RELL1: variants seen among roughly 807,000 people sequenced by gnomAD.
RELL1 encodes RELT like 1.
RELL1 carries 10 observed loss-of-function variants against 23.0 expected under a neutral mutation model. The ratio of observed to expected loss-of-function variants is 0.43; its 90% CI spans 0.27 to 0.74. RELL1 has a LOEUF of 0.74. RELL1 is among the 30% of genes least tolerant of loss of function. The probability of loss-of-function intolerance (pLI) is 0.19; values close to 1 mark genes in which losing one functional copy is unlikely to be tolerated. For synonymous variants in RELL1, 146 were observed against 146.8 expected, an observed-to-expected ratio of 0.99 and a Z score of 0.04; for missense variants, 315 against 364.4, an observed-to-expected ratio of 0.86 and a Z score of 1.10.
intron 1 of RELL1, among the ~76,000 whole-genome samples, chr4:37,668,846 T>A: frequency 6.8e-6 from 1 of 146,998 alleles, no homozygotes. Flanking sequence ...GTCTGAGATG[T>A]GGGGAGCGCC....
rs910725725 is a variant in RELL1, at chr4:37,612,019, CA to C, written c.*1326del. ...TGAAACCCCGTCTCTCCTAAAAATA[CA>C]AAAAAAATAAGCCAAGCGTGGTGGT... On this transcript the variant is annotated 3_prime_UTR_variant, in exon 7 of 7. Transcript: ENST00000454158. 6.6e-6 allele frequency among the ~76,000 whole-genome samples: 1 copy of C among 150,662 alleles called. No homozygotes were observed. The highest frequency in any genetic ancestry group is 2.4e-5 in the African/African-American group (1 of 41,028).
chr4:37,657,029 CA>C (rs1212663622), intron 1 of RELL1, among the ~76,000 whole-genome samples: 6 of 152,182 alleles, frequency 3.9e-5, no homozygotes, highest in Non-Finnish European at 8.8e-5. Flanking sequence ...AATCAGGCCA[CA>C]CAGAAATTCC....
At chr4:37,630,962 C>T (rs1720109357) in intron 6 of RELL1, among the ~76,000 whole-genome samples, 1 of 152,026 alleles carries the variant, frequency 6.6e-6, no homozygotes, top group Non-Finnish European at 1.5e-5. Flanking sequence ...AAGTAAGCTG[C>T]CAATATCGAA....
At chr4:37,617,708 G>A (rs145285481) in intron 6 of RELL1, among the ~76,000 whole-genome samples, 14 of 152,296 alleles carry the variant, frequency 9.2e-5, no homozygotes, top group Non-Finnish European at 1.9e-4. Flanking sequence ...GCTTGAACCT[G>A]GGAAGCAGAG....
At chr4:37,606,180 GAAGA>G (rs199587251), downstream of RELL1, among the ~76,000 whole-genome samples, 62 of 111,644 alleles carry the variant, frequency 5.6e-4, no homozygotes, top group Middle Eastern at 4.6e-3. The surrounding 1 kb of genome is among the most constrained non-coding windows in gnomAD (Gnocchi z 4.1). Context: ...AAAGGAGAAA[GAAGA>G]AAGAAAGAGA....
At position 37,603,309 on chromosome 4, in the gene RELL1, C is replaced by G. The variant is rs1375283211; in HGVS notation, c.*4-12092G>C. On this transcript the variant is annotated intron_variant, in intron 6 of 6. Transcript: ENST00000314117. Reference sequence around the variant, plus strand: ...AATGCCCAAGACAAAGAAGTCCCAGCTGTCCTTTAGGTGTTTAGAGCTACA... The same window carrying G: ...AATGCCCAAGACAAAGAAGTCCCAGGTGTCCTTTAGGTGTTTAGAGCTACA... Among the ~76,000 whole-genome samples the G allele has an allele frequency of 4.6e-5, 7 of 152,168 alleles. No individual in the cohort carries two copies. The East Asian group carries it at 1.2e-3, about 25-fold the overall frequency.
At chr4:37,640,123 C>T (rs1720475482) in intron 3 of RELL1, among the ~76,000 whole-genome samples, 1 of 152,188 alleles carries the variant, frequency 6.6e-6, no homozygotes. Flanking sequence ...CACATTGCCC[C>T]ATTGCAACCC....
chr4:37,588,721 T>C (rs370370489), downstream of RELL1: 352 of 668,508 alleles, frequency 5.3e-4, 1 homozygote, highest in African/African-American at 5.5e-3. Context: ...GTGGTAGTTA[T>C]CCTTTTGCCA....
In RELL1 at chr4:37,644,420, T is replaced by C. The variant is rs55853210; in HGVS notation, c.385+2948A>G. On this transcript the variant is annotated intron_variant, in intron 3 of 6. Coordinates refer to ENST00000454158, the MANE Select transcript of RELL1 (RefSeq NM_001085400.2). ...GGGTGGTAACAGGGCCTACGTCATC[T>C]GGTACTTTTATTTTTATTTTTATTT... Among the ~76,000 whole-genome samples the C allele has an allele frequency of 5.3e-3, 795 of 149,458 alleles. 7 individuals carry two copies. Among genetic ancestry groups the C allele is most frequent in the African/African-American group, 0.018 (751 of 40,722 alleles).
downstream of RELL1, chr4:37,589,963 C>T: frequency 1.3e-6 from 1 of 780,844 alleles, no homozygotes. Flanking sequence ...TTTAGACATA[C>T]TTATCTAGGT....
At chr4:37,642,675 G>T (rs1389567135) in intron 3 of RELL1, among the ~76,000 whole-genome samples, 1 of 152,160 alleles carries the variant, frequency 6.6e-6, no homozygotes, top group Non-Finnish European at 1.5e-5. Context: ...GACTTGGGGT[G>T]GAGCCCCTAA....
intron 1 of RELL1, among the ~76,000 whole-genome samples, chr4:37,683,446 T>C (rs576453683): frequency 2.2e-4 from 34 of 152,346 alleles, no homozygotes; most frequent in African/African-American, 7.9e-4. Context: ...CACAGGGTTA[T>C]GAGCAATGAG....
intron 6 of RELL1, among the ~76,000 whole-genome samples, chr4:37,592,041 T>C (rs572966792): frequency 1.3e-5 from 2 of 151,992 alleles, no homozygotes; most frequent in South Asian, 4.2e-4. Context: ...ACCCTGTCTC[T>C]ACTAAAAATA....
chr4:37,681,831 T>G (rs1202645505), intron 1 of RELL1, among the ~76,000 whole-genome samples: 7 of 152,190 alleles, frequency 4.6e-5, no homozygotes, highest in African/African-American at 1.7e-4. Flanking sequence ...CCGGCTTCCT[T>G]CTGATTTTTG....
chr4:37,670,387 CATTTTAGATGTTTCCATTGGTTGG>C (rs1463764191), intron 1 of RELL1, among the ~76,000 whole-genome samples: 3 of 152,154 alleles, frequency 2.0e-5, no homozygotes, highest in Admixed American at 2.0e-4. Context: ...ATCATATTGA[CATTTTAGATGTTTCCATTGGTTGG>C]AGGCAGAGAC....
chr4:37,636,663 G>C (rs1454505508), intron 4 of RELL1, among the ~76,000 whole-genome samples: 1 of 151,958 alleles, frequency 6.6e-6, no homozygotes. Flanking sequence ...ATGTGTGAAG[G>C]CTCTGGCCCA....
At chr4:37,608,910 C>T (rs1248358906), downstream of RELL1, among the ~76,000 whole-genome samples, 2 of 152,156 alleles carry the variant, frequency 1.3e-5, no homozygotes, top group Non-Finnish European at 2.9e-5. Flanking sequence ...GGATTACAGG[C>T]ATGAGCCACT....
At chr4:37,590,540 A>G (rs753035577), downstream of RELL1, 1 of 1,614,004 alleles carries the variant, frequency 6.2e-7, no homozygotes, top group Admixed American at 1.7e-5. Context: ...AGAAATGGAG[A>G]CTCCAGAGCT....
At chr4:37,660,547 A>T (rs570040924) in intron 1 of RELL1, among the ~76,000 whole-genome samples, 1 of 152,132 alleles carries the variant, frequency 6.6e-6, no homozygotes, top group Admixed American at 6.5e-5. Context: ...ATTTACACAC[A>T]CTCTCCTAGT....
Sources: gnomAD v4.1 joint callset for allele counts (sites outside exome capture counted in the v4.1 genomes callset) on GRCh38, gnomAD v4.1.1 for gene constraint, Gnocchi (gnomAD v3.1) non-coding constraint, MANE v1.5 for transcripts, NCBI Gene and HGNC (gene_info 2026-07-23, HGNC 2026-07-21) for gene names.